Variants in COL4A6 observed in about 807,000 individuals in gnomAD.
COL4A6 encodes the protein collagen type IV alpha 6 chain, also known as collagen alpha-6(IV) chain.
Under a neutral mutation model 126.7 loss-of-function variants are expected in COL4A6, and 59 were observed. That is an observed-to-expected ratio of 0.47 (90% confidence interval 0.38 to 0.58). The LOEUF (loss-of-function observed/expected upper bound fraction) is 0.58. COL4A6 is among the 20% of genes least tolerant of loss of function. COL4A6 has a pLI of 0.00. For missense variants in COL4A6, 1,285 were observed against 1,337.3 expected (o/e 0.96, Z 0.61); for synonymous variants, 547 against 496.6 (o/e 1.10, Z -1.35).
intron 2 of COL4A6, among the ~76,000 whole-genome samples, chrX:108,410,612 T>C (rs2041305816): frequency 8.9e-6 from 1 of 111,779 alleles, no homozygotes; most frequent in African/African-American, 3.2e-5. Flanking sequence ...TCTTTGCAAG[T>C]AGGATTGGGT....
intron 2 of COL4A6, among the ~76,000 whole-genome samples, chrX:108,357,831 G>A (rs938469581): frequency 9.0e-6 from 1 of 110,937 alleles, no homozygotes; most frequent in Non-Finnish European, 1.9e-5. Context: ...TAGCAGTTAC[G>A]TATATGTTGT....
At chrX:108,435,786 T>C (rs912609109) in intron 2 of COL4A6, among the ~76,000 whole-genome samples, 1 of 112,229 alleles carries the variant, frequency 8.9e-6, no homozygotes, top group Non-Finnish European at 1.9e-5. Context: ...CCAATATTAT[T>C]GGCAGCTTAA....
At chrX:108,315,958 C>T (rs1333005943) in intron 2 of COL4A6, among the ~76,000 whole-genome samples, 4 of 112,017 alleles carry the variant, frequency 3.6e-5, no homozygotes, top group Non-Finnish European at 7.5e-5. Flanking sequence ...ATCAGCATCA[C>T]TTGGGATTCT....
Position 108,214,149 on chromosome X carries a change from G to A in COL4A6, c.404C>T (p.Pro135Leu). ...AAGCCCAGGATAGCCATCAGGGCCT[G>A]GAAATCCAACAGCTCCTTGAGTTCC... is the stretch of plus-strand genomic sequence containing the variant. ...CNGTQGAVGF[P>L]GPDGYPGLLG... Residue 135 changes from proline to leucine, a missense_variant, in exon 6 of 45, where the codon CCA (proline) becomes CTA (leucine). Pro to Leu is a moderately conservative substitution (Grantham distance 98). Transcript: ENST00000334504. The A allele has an allele frequency of 8.3e-7, 1 of 1,210,236 alleles. No individual in the cohort carries two copies. The highest frequency in any genetic ancestry group is 3.0e-5 in the East Asian group (1 of 33,703).
Position 108,385,164 on chromosome X carries a change from C to CCAA in COL4A6, c.63+52775_63+52777dup, listed in dbSNP as rs747882275. 1.0e-3 allele frequency among the ~76,000 whole-genome samples: 108 copies of CCAA among 107,123 alleles called. 4 individuals carry two copies. In the East Asian group the frequency reaches 0.033, roughly 33 times the overall value. The allele number at this position is 107,123 out of a possible 115,157, so 93.0% of individuals were successfully genotyped here. A position where few individuals can be genotyped will look rare whatever the true frequency, so the allele number is the denominator to read the frequency against. ...AATGGGAAAAATGTTTTGTAGTTTT[C>CCAA]CAACTAAGTTTTGCCTTTTTGATAG... is the stretch of plus-strand genomic sequence containing the variant. On this transcript the variant is annotated intron_variant, in intron 2 of 44. Coordinates refer to ENST00000334504, the MANE Select transcript of COL4A6 (RefSeq NM_033641.4).
intron 3 of COL4A6, among the ~76,000 whole-genome samples, chrX:108,236,595 A>T (rs2036435653): frequency 9.0e-6 from 1 of 111,296 alleles, no homozygotes; most frequent in Non-Finnish European, 1.9e-5. Context: ...CCAATAAAAC[A>T]AACAAAAATG....
At chrX:108,221,445 A>T in intron 3 of COL4A6, 71 bp from the exon 4 acceptor site, 1 of 1,099,634 alleles carries the variant, frequency 9.1e-7, no homozygotes, top group South Asian at 2.1e-5. Flanking sequence ...TTTCCCACGC[A>T]CAAAGAGCAC....
At chrX:108,350,884 T>C (rs1264968645) in intron 2 of COL4A6, among the ~76,000 whole-genome samples, 4 of 111,707 alleles carry the variant, frequency 3.6e-5, no homozygotes, top group East Asian at 5.6e-4. Context: ...TGATTATGTG[T>C]AGTTGACCGT....
At chrX:108,167,981 C>T (rs1393189144) in intron 37 of COL4A6, among the ~76,000 whole-genome samples, 1 of 111,276 alleles carries the variant, frequency 9.0e-6, no homozygotes, top group African/African-American at 3.3e-5. Flanking sequence ...TTCAGTTTGA[C>T]CATGTATATC....
chrX:108,199,237 G>A (rs912662122), intron 13 of COL4A6, among the ~76,000 whole-genome samples: 1 of 110,727 alleles, frequency 9.0e-6, no homozygotes, highest in African/African-American at 3.3e-5. Flanking sequence ...GTGCTGCCTT[G>A]TTTCTCGGTG....
intron 6 of COL4A6, 43 bp downstream of exon 6, chrX:108,214,069 A>G (rs2035789100): frequency 9.0e-7 from 1 of 1,105,734 alleles, no homozygotes; most frequent in Admixed American, 2.2e-5. Context: ...CGTAGAGACA[A>G]GCAAAGCCAT....
chrX:108,158,793 C>G (rs1312532799), intron 44 of COL4A6, among the ~76,000 whole-genome samples: 8 of 112,119 alleles, frequency 7.1e-5, no homozygotes, highest in Admixed American at 5.7e-4. Flanking sequence ...GTGGTTTTCT[C>G]TGGGGGATGT....
chrX:108,319,338 C>A (rs1405346000), intron 2 of COL4A6, among the ~76,000 whole-genome samples: 2 of 112,085 alleles, frequency 1.8e-5, no homozygotes, highest in Non-Finnish European at 3.8e-5. Flanking sequence ...GCCTGAGTGA[C>A]AGAGTGAGAC....
intron 2 of COL4A6, among the ~76,000 whole-genome samples, chrX:108,346,483 C>G (rs2039710432): frequency 1.8e-5 from 2 of 111,907 alleles, no homozygotes; most frequent in South Asian, 7.5e-4. Context: ...GAGAGCCTGA[C>G]AGTCTACCAA....
chrX:108,284,775 AAAG>A (rs1421159396), intron 3 of COL4A6, among the ~76,000 whole-genome samples: 1 of 112,638 alleles, frequency 8.9e-6, no homozygotes, highest in Non-Finnish European at 1.9e-5. Context: ...AGTCATGATT[AAAG>A]AAGGATTACT....
chrX:108,272,714 A>G (rs758863919), intron 3 of COL4A6, among the ~76,000 whole-genome samples: 2 of 107,822 alleles, frequency 1.9e-5, no homozygotes, highest in Non-Finnish European at 3.8e-5. Context: ...CCCATCTCTC[A>G]TTTTTTATTT....
At chrX:108,354,089 G>A (rs2039903359) in intron 2 of COL4A6, among the ~76,000 whole-genome samples, 2 of 111,727 alleles carry the variant, frequency 1.8e-5, no homozygotes, top group Non-Finnish European at 3.8e-5. Context: ...TGTGGCAGAG[G>A]TTGCAGTGAG....
At chrX:108,254,297 A>G (rs920110844) in intron 3 of COL4A6, among the ~76,000 whole-genome samples, 12 of 110,702 alleles carry the variant, frequency 1.1e-4, no homozygotes, top group African/African-American at 3.9e-4. Context: ...GAATGCCACA[A>G]ACATTCCAGA....
At chrX:108,298,212 C>T (rs931412811) in intron 3 of COL4A6, among the ~76,000 whole-genome samples, 6 of 111,768 alleles carry the variant, frequency 5.4e-5, no homozygotes, top group South Asian at 3.8e-4. Flanking sequence ...GAACAAGGGA[C>T]GTTTTAGGCC....
Sources: gnomAD v4.1 joint callset for allele counts (sites outside exome capture counted in the v4.1 genomes callset) on GRCh38, gnomAD v4.1.1 for gene constraint, MANE v1.5 for transcripts, NCBI Gene and HGNC (gene_info 2026-07-23, HGNC 2026-07-21) for gene names.